CGN: variants seen among roughly 807,000 people sequenced by gnomAD.
The protein encoded by CGN is cingulin.
A neutral mutation model predicts 157.1 loss-of-function variants in CGN; 121 were observed. The observed-to-expected ratio is 0.77, with a 90% CI of 0.66 to 0.90. CGN has a LOEUF of 0.90. CGN is among the 40% of genes least tolerant of loss of function. The pLI, the probability that CGN is intolerant of heterozygous loss-of-function variation, is 0.00. For missense variants in CGN, 1,424 were observed against 1,520.9 expected (o/e 0.94, Z 1.06); for synonymous variants, 535 against 607.5 (o/e 0.88, Z 1.76).
At position 151,520,151 on chromosome 1, in the gene CGN, CTTTT is replaced by C; in HGVS notation, c.874-9_874-6del. On this transcript the variant is annotated splice_polypyrimidine_tract_variant and intron_variant, in intron 2 of 20. Coordinates refer to ENST00000271636, the MANE Select transcript of CGN (RefSeq NM_020770.3). ...CTTTCTTTCTTTTTTTTTTCTTTTT[CTTTT>C]TTTTTAACAGTTCAAATCAACTCCA... 6.6e-7 allele frequency: 1 copy of C among 1,516,762 alleles called. No individual in the cohort carries two copies. The highest frequency in any genetic ancestry group is 8.9e-7 in the Non-Finnish European group (1 of 1,120,176). The allele number at this position is 1,516,762 out of a possible 1,614,324, so 94.0% of individuals were successfully genotyped here.
At chr1:151,535,164 CCT>C in intron 16 of CGN, 33 bp downstream of exon 16, 1 of 1,502,376 alleles carries the variant, frequency 6.7e-7, no homozygotes, top group Non-Finnish European at 9.3e-7. Flanking sequence ...TCTGTTTACC[CCT>C]GACTGCATCA....
chr1:151,531,359 G>A (rs1224512382), intron 13 of CGN, among the ~76,000 whole-genome samples: 1 of 152,118 alleles, frequency 6.6e-6, no homozygotes, highest in Non-Finnish European at 1.5e-5. Context: ...AATCTTCAAT[G>A]GCCAGCTTGG....
rs1354142249 is a variant in CGN, at chr1:151,519,383, C to T, written c.864C>T (p.Thr288=). ...EEPRRSAQDP[T]MLQFKSTPDL... is the part of the protein sequence containing the mutation. ...CGCGGAGGAGTGCACAGGACCCCAC[C>T]ATGCTGCAGGTCAGACCCAGCCCCT... The change falls in exon 2 of 21, where the codon ACC becomes ACT. Residue 288 remains threonine (T), a synonymous_variant. Transcript: ENST00000271636. The T allele has an allele frequency of 1.3e-6, 2 of 1,591,078 alleles. No homozygotes were observed. The highest frequency in any genetic ancestry group is 2.7e-5 in the African/African-American group (2 of 74,692).
chr1:151,532,659 G>T, intron 14 of CGN, 87 bp downstream of exon 14: 4 of 1,087,418 alleles, frequency 3.7e-6, no homozygotes, highest in Non-Finnish European at 4.7e-6. Context: ...TCACTCTGTC[G>T]CCCAGGCTGG....
chr1:151,536,590 C>A, intron 19 of CGN, 140 bp from the exon 20 acceptor site: 1 of 748,334 alleles, frequency 1.3e-6, no homozygotes, highest in Non-Finnish European at 2.2e-6. Context: ...ATCCCTAAGA[C>A]AACCATGTGA....
Position 151,528,354 on chromosome 1 carries a change from AT to A in CGN, c.1897-985del, listed in dbSNP as rs933762086. 9.8e-4 allele frequency among the ~76,000 whole-genome samples: 139 copies of A among 141,846 alleles called. 1 individual carries two copies. Among genetic ancestry groups the A allele is most frequent in the Admixed American group, 1.7e-3 (24 of 14,162 alleles). 93.1% of individuals were successfully genotyped at this position (141,846 alleles called of 152,430 possible). On this transcript the variant is annotated intron_variant, in intron 10 of 20. Coordinates refer to ENST00000271636, the MANE Select transcript of CGN (RefSeq NM_020770.3). ...CCTTCATGTACTCTCCCTTCATGGT[AT>A]TTTTTTTTTTATGGAGTTATATTTT...
intron 8 of CGN, 92 bp from the exon 9 acceptor site, chr1:151,525,550 G>A: frequency 9.2e-7 from 1 of 1,090,438 alleles, no homozygotes; most frequent in East Asian, 3.0e-5. Flanking sequence ...GTGCCCTCTG[G>A]GTCTAAGCCT....
rs1467980729 is a variant in CGN, at chr1:151,520,425, G to T, written c.986G>T (p.Ser329Ile). Reference sequence around the variant, plus strand: ...CTTTTATCCTCTAGAAGCTCAGAAAGTGAAACCTCTGTGAGGAGGAAGGTT... The same window carrying T: ...CTTTTATCCTCTAGAAGCTCAGAAATTGAAACCTCTGTGAGGAGGAAGGTT... ...YGILREGSSE[S>I]ETSVRRKVSL... Residue 329 changes from serine (S) to isoleucine (I), a missense_variant, in exon 4 of 21, where the codon AGT becomes ATT. By Grantham distance (142) the Ser-to-Ile change is moderately radical (BLOSUM62 -2). Coordinates refer to ENST00000271636, the MANE Select transcript of CGN (RefSeq NM_020770.3). 6.2e-7 allele frequency: 1 copy of T among 1,614,122 alleles called. No homozygotes were observed. Among genetic ancestry groups the T allele is most frequent in the East Asian group, 2.2e-5 (1 of 44,884 alleles).
chr1:151,514,044 C>T (rs1664356602), intron 1 of CGN, among the ~76,000 whole-genome samples: 1 of 152,202 alleles, frequency 6.6e-6, no homozygotes, highest in African/African-American at 2.4e-5. Flanking sequence ...CTGCCTTGGT[C>T]CCGCCCCACT....
At chr1:151,515,618 T>C (rs913243762) in intron 1 of CGN, 1 of 152,220 alleles carries the variant, frequency 6.6e-6, no homozygotes, top group African/African-American at 2.4e-5. Context: ...GGACTACAGG[T>C]GTGTACCACC....
In CGN at chr1:151,535,782, C is replaced by A; in HGVS notation, c.3081C>A (p.Asn1027Lys). Reference protein sequence around the residue: ...ECDKISLERQNKDLKTRLASS... With the variant: ...ECDKISLERQKKDLKTRLASS... ...TGGAGGCTTCCTGTCCCTCTCAGAA[C>A]AAGGACCTGAAGACCCGGTTGGCCA... Residue 1027 changes from asparagine (N) to lysine (K), a missense_variant and splice_region_variant, in exon 18 of 21, where the codon AAC (asparagine) becomes AAA (lysine). Physicochemically the swap from Asn to Lys is moderately conservative, Grantham distance 94. Around this residue, in one of 3 missense-constraint regions of CGN, gnomAD observed 199 missense variants for 272.2 expected, o/e 0.73. Coordinates refer to ENST00000271636, the MANE Select transcript of CGN (RefSeq NM_020770.3). 1 of 1,613,830 alleles carries A rather than the reference C, an allele frequency of 6.2e-7. No homozygotes were observed. The highest frequency in any genetic ancestry group is 1.6e-4 in the Middle Eastern group (1 of 6,062).
intron 1 of CGN, among the ~76,000 whole-genome samples, chr1:151,513,000 G>A (rs1272492105): frequency 2.0e-5 from 3 of 152,166 alleles, no homozygotes; most frequent in Non-Finnish European, 4.4e-5. Context: ...GATCAGGAAT[G>A]CAACTTTGGG....
intron 16 of CGN, 120 bp downstream of exon 16, chr1:151,535,251 G>A (rs1664943323): frequency 3.8e-6 from 3 of 785,696 alleles, no homozygotes; most frequent in South Asian, 3.3e-5. Context: ...GCGTGGCTGG[G>A]TCTCCTTCAG....
chr1:151,519,486 A>G (rs1273225828), intron 2 of CGN, 94 bp downstream of exon 2: 5 of 1,165,268 alleles, frequency 4.3e-6, no homozygotes, highest in Non-Finnish European at 5.9e-6. Flanking sequence ...TTGCTAATTC[A>G]AATAGCCTAG....
In CGN at chr1:151,523,580, G is replaced by A. The variant is rs200565473; in HGVS notation, c.1268+19G>A. ...ACAAGGAGTGAGTGCAGCTGGTGGC[G>A]CACCTCGGGCTGCTTGGGGGCCTAG... On this transcript the variant is annotated intron_variant, in intron 6 of 20. Coordinates refer to ENST00000271636, the MANE Select transcript of CGN (RefSeq NM_020770.3). 1.6e-5 allele frequency: 25 copies of A among 1,584,278 alleles called. No individual in the cohort carries two copies. Among genetic ancestry groups the A allele is most frequent in the African/African-American group, 8.1e-5 (6 of 74,036 alleles).
At chr1:151,515,392 A>T (rs1664385866) in intron 1 of CGN, 1 of 152,200 alleles carries the variant, frequency 6.6e-6, no homozygotes, top group Non-Finnish European at 1.5e-5. Context: ...TCATTCTCAC[A>T]GATAATAACC....
chr1:151,527,815 A>ACACG, intron 10 of CGN: 1 of 210,824 alleles, frequency 4.7e-6, no homozygotes, highest in Non-Finnish European at 9.5e-6. Context: ...TTATACACAC[A>ACACG]CACACACACA....
chr1:151,522,030 C>T (rs1040624921), intron 5 of CGN, among the ~76,000 whole-genome samples: 2 of 152,018 alleles, frequency 1.3e-5, no homozygotes, highest in African/African-American at 4.8e-5. Context: ...ATAATCCCAG[C>T]ACTTTGGGAG....
chr1:151,526,432 C>T (rs1011325526), intron 9 of CGN, among the ~76,000 whole-genome samples: 5 of 151,856 alleles, frequency 3.3e-5, no homozygotes, highest in African/African-American at 1.2e-4. Context: ...ACCTCGGCCC[C>T]CCAAAACGCT....
Sources: allele counts gnomAD v4.1 joint callset (sites outside exome capture counted in the v4.1 genomes callset), GRCh38; gene constraint gnomAD v4.1.1; regional missense constraint gnomAD v4.1.1; transcripts MANE v1.5; gene names NCBI Gene and HGNC (gene_info 2026-07-23, HGNC 2026-07-21).